The following BANF2 variants were observed in gnomAD, a reference collection of about 807,000 sequenced individuals.
The protein encoded by BANF2 is barrier-to-autointegration factor-like protein.
BANF2 carries 4 observed loss-of-function variants against 8.0 expected under a neutral mutation model. That is an observed-to-expected ratio of 0.50 (90% confidence interval 0.25 to 1.14). The LOEUF (loss-of-function observed/expected upper bound fraction) is 1.14. BANF2 is among the 50% of genes most tolerant of loss of function. The pLI is 0.16. For missense variants in BANF2, 96 were observed against 107.5 expected (o/e 0.89, Z 0.47); for synonymous variants, 50 against 40.6 (o/e 1.23, Z -0.88).
chr20:17,708,219 G>C (rs73266603), intron 1 of BANF2, among the ~76,000 whole-genome samples: 3,157 of 151,946 alleles, frequency 0.021, 105 homozygotes, highest in African/African-American at 0.068. Flanking sequence ...AAAGTGATAT[G>C]TCTCGAACAA....
intron 1 of BANF2, among the ~76,000 whole-genome samples, chr20:17,719,184 G>A (rs562141737): frequency 6.6e-6 from 1 of 152,152 alleles, no homozygotes; most frequent in African/African-American, 2.4e-5. Context: ...GAGTGCAATG[G>A]CTTGATCTCG....
At chr20:17,719,281 C>T (rs1161772235) in intron 1 of BANF2, among the ~76,000 whole-genome samples, 13 of 152,206 alleles carry the variant, frequency 8.5e-5, no homozygotes, top group East Asian at 1.9e-4. Flanking sequence ...CCTGCCCCCA[C>T]GCCCAGCTAA....
At chr20:17,711,163 ACCT>A (rs2122592221) in intron 1 of BANF2, among the ~76,000 whole-genome samples, 1 of 152,118 alleles carries the variant, frequency 6.6e-6, no homozygotes, top group African/African-American at 2.4e-5. Context: ...CGGAGAACAA[ACCT>A]CCTGGGAGGT....
chr20:17,735,158 T>C (rs1335035482), intron 3 of BANF2, among the ~76,000 whole-genome samples: 1 of 152,120 alleles, frequency 6.6e-6, no homozygotes, highest in Non-Finnish European at 1.5e-5. Context: ...GCTACAACAA[T>C]TGCAGAAGTA....
intron 3 of BANF2, among the ~76,000 whole-genome samples, chr20:17,728,310 A>G (rs2037839953): frequency 6.6e-6 from 1 of 152,146 alleles, no homozygotes; most frequent in Admixed American, 6.5e-5. Context: ...ACCTGCTGGA[A>G]TGCAGGCCTG....
intron 1 of BANF2, among the ~76,000 whole-genome samples, chr20:17,694,317 G>T (rs2037324082): frequency 6.6e-6 from 1 of 152,138 alleles, no homozygotes; most frequent in Non-Finnish European, 1.5e-5. Flanking sequence ...AAGAGACACT[G>T]GAGCTGAACT....
chr20:17,697,205 A>G (rs1178698745), upstream of BANF2, among the ~76,000 whole-genome samples: 2 of 152,208 alleles, frequency 1.3e-5, no homozygotes, highest in African/African-American at 4.8e-5. Context: ...AACAAGAGCC[A>G]TATTTTATAT....
intron 3 of BANF2, among the ~76,000 whole-genome samples, chr20:17,729,774 C>T (rs1467386086): frequency 6.6e-6 from 1 of 152,184 alleles, no homozygotes; most frequent in Non-Finnish European, 1.5e-5. Flanking sequence ...TCTGCACATG[C>T]CCCAAGAGTC....
intron 3 of BANF2, among the ~76,000 whole-genome samples, chr20:17,735,285 G>A (rs2037961290): frequency 6.6e-6 from 1 of 152,296 alleles, no homozygotes; most frequent in African/African-American, 2.4e-5. Flanking sequence ...TACTCAAACT[G>A]TTGTCCCTGG....
chr20:17,717,027 AT>A (rs2037664921), intron 1 of BANF2, among the ~76,000 whole-genome samples: 1 of 152,086 alleles, frequency 6.6e-6, no homozygotes. Flanking sequence ...AGCCACCCTC[AT>A]TTTCATTCTT....
intron 1 of BANF2, among the ~76,000 whole-genome samples, chr20:17,708,699 C>T (rs918206497): frequency 1.3e-5 from 2 of 152,034 alleles, no homozygotes; most frequent in South Asian, 2.1e-4. Context: ...ATTTGCAACC[C>T]GTGATTTGAA....
chr20:17,719,675 C>A (rs946615843), intron 1 of BANF2, among the ~76,000 whole-genome samples: 1 of 139,294 alleles, frequency 7.2e-6, no homozygotes, highest in Non-Finnish European at 1.5e-5. Flanking sequence ...AGTAAAGATC[C>A]CTTTTTTTAA....
chr20:17,700,526 A>G (rs192531427), intron 1 of BANF2, among the ~76,000 whole-genome samples: 23 of 152,324 alleles, frequency 1.5e-4, no homozygotes, highest in African/African-American at 5.3e-4. Flanking sequence ...CCTTTCTGTA[A>G]GAGGCCTTCC....
rs1474563077 is a variant in BANF2, at chr20:17,712,608, G to C, written c.-166-10108G>C. 5.6e-6 allele frequency: 5 copies of C among 892,454 alleles called. No homozygotes were observed. In the African/African-American group the frequency reaches 9.1e-5, roughly 16 times the overall value. The allele number at this position is 892,454 out of a possible 1,614,324, so 55.3% of individuals were successfully genotyped here. ...TTTTCTCTTCCACCTTCCCTGGGAGGGTAGTGCGGATAATGAGGTGAGCCT... is the reference window on the plus strand; with the variant it reads ...TTTTCTCTTCCACCTTCCCTGGGAGCGTAGTGCGGATAATGAGGTGAGCCT... On this transcript the variant is annotated intron_variant, in intron 1 of 3. Coordinates refer to ENST00000246090, the MANE Select transcript of BANF2 (RefSeq NM_178477.5).
At chr20:17,695,602 G>T (rs191297624), upstream of BANF2, among the ~76,000 whole-genome samples, 2 of 74,988 alleles carry the variant, frequency 2.7e-5, no homozygotes, top group Middle Eastern at 8.1e-3. Flanking sequence ...AAAACCTAGG[G>T]TGTGTGTGTG....
At chr20:17,705,201 C>T (rs1219793500) in intron 1 of BANF2, among the ~76,000 whole-genome samples, 1 of 152,216 alleles carries the variant, frequency 6.6e-6, no homozygotes, top group East Asian at 1.9e-4. Context: ...AGACTGGCCC[C>T]ACCCAAGCCA....
chr20:17,699,579 A>G (rs1204742124), upstream of BANF2, among the ~76,000 whole-genome samples: 3 of 152,232 alleles, frequency 2.0e-5, no homozygotes, highest in Non-Finnish European at 4.4e-5. Flanking sequence ...ATCACAGAAG[A>G]TGTGCAAGGA....
intron 1 of BANF2, chr20:17,712,614 G>A (rs993606777): frequency 8.1e-6 from 7 of 859,106 alleles, no homozygotes; most frequent in African/African-American, 5.5e-5. Flanking sequence ...GGAGGGTAGT[G>A]CGGATAATGA....
chr20:17,715,704 A>C (rs529347368), intron 1 of BANF2, among the ~76,000 whole-genome samples: 1 of 152,340 alleles, frequency 6.6e-6, no homozygotes, highest in Admixed American at 6.5e-5. Context: ...TGCTCGGTAC[A>C]CAAAGCGTGT....
Sources: allele counts gnomAD v4.1 joint callset (sites outside exome capture counted in the v4.1 genomes callset), GRCh38; gene constraint gnomAD v4.1.1; transcripts MANE v1.5; gene names NCBI Gene and HGNC (gene_info 2026-07-23, HGNC 2026-07-21).